Variants in NTM observed in about 807,000 individuals in gnomAD.
The protein encoded by NTM is IgLON family member 2.
A neutral mutation model predicts 42.1 loss-of-function variants in NTM; 13 were observed. The observed-to-expected ratio is 0.31, with a 90% CI of 0.20 to 0.49. The LOEUF is 0.49. Among genes scored for constraint, NTM ranks in the 20% least tolerant of loss-of-function variants. The pLI is 0.99. For missense variants in NTM, 373 were observed against 452.8 expected, an observed-to-expected ratio of 0.82 and a Z score of 1.60; for synonymous variants, 187 against 179.2, an observed-to-expected ratio of 1.04 and a Z score of -0.35.
intron 1 of NTM, among the ~76,000 whole-genome samples, chr11:131,524,572 G>A (rs2050200719): frequency 6.6e-6 from 1 of 152,238 alleles, no homozygotes; most frequent in Admixed American, 6.5e-5. Context: ...AAAGTGACTA[G>A]CCATAGCCGC....
At position 131,563,738 on chromosome 11, in the gene NTM, C is replaced by T. The variant is rs548259328; in HGVS notation, c.82+192850C>T. On this transcript the variant is annotated intron_variant, in intron 1 of 8. Transcript: ENST00000683400. Reference sequence around the variant, plus strand: ...TAATTTACTGTGTCAAATGAACCCCCTTCCCTAAGACAATGGCCTGTGCTT... The same window carrying T: ...TAATTTACTGTGTCAAATGAACCCCTTTCCCTAAGACAATGGCCTGTGCTT... 1.5e-4 allele frequency among the ~76,000 whole-genome samples: 23 copies of T among 152,190 alleles called. No individual in the cohort carries two copies. In the South Asian group the frequency reaches 4.8e-3, roughly 32 times the overall value.
chr11:132,320,418 T>C (rs2095534947), intron 7 of NTM, among the ~76,000 whole-genome samples: 1 of 152,194 alleles, frequency 6.6e-6, no homozygotes, highest in Non-Finnish European at 1.5e-5. Context: ...GGGTGACGGA[T>C]GGCACCTGGA....
At chr11:132,227,382 G>A (rs559309905) in intron 4 of NTM, among the ~76,000 whole-genome samples, 1 of 152,250 alleles carries the variant, frequency 6.6e-6, no homozygotes, top group South Asian at 2.1e-4. Context: ...TAGAAAGAGG[G>A]AGAATGGGTT....
chr11:131,930,137 A>G (rs7120526), intron 2 of NTM, among the ~76,000 whole-genome samples: 9,845 of 152,270 alleles, frequency 0.065, 1,057 homozygotes, highest in African/African-American at 0.22. Context: ...AATATTAATT[A>G]AACATACTTC....
chr11:131,427,181 A>G (rs1357898326), intron 1 of NTM, among the ~76,000 whole-genome samples: 1 of 152,120 alleles, frequency 6.6e-6, no homozygotes, highest in Non-Finnish European at 1.5e-5. Flanking sequence ...ATATCAAGGT[A>G]TCCAATTTGG....
chr11:131,622,032 G>T (rs2062625672), intron 1 of NTM, among the ~76,000 whole-genome samples: 1 of 152,178 alleles, frequency 6.6e-6, no homozygotes, highest in Non-Finnish European at 1.5e-5. Context: ...CCTGAGAAGG[G>T]TCCCGTGGCT....
intron 1 of NTM, among the ~76,000 whole-genome samples, chr11:131,579,854 AT>A (rs1277877567): frequency 2.7e-4 from 41 of 152,324 alleles, no homozygotes; most frequent in African/African-American, 9.4e-4. Flanking sequence ...CCAACATGGC[AT>A]TCTATATTTC....
chr11:131,726,123 A>C (rs1204582620), intron 1 of NTM, among the ~76,000 whole-genome samples: 1 of 152,208 alleles, frequency 6.6e-6, no homozygotes, highest in Non-Finnish European at 1.5e-5. Context: ...AAAAAATTAC[A>C]TGAGAAAAGC....
chr11:131,502,548 C>T (rs1365998836), intron 1 of NTM, among the ~76,000 whole-genome samples: 7 of 152,032 alleles, frequency 4.6e-5, no homozygotes, highest in Admixed American at 2.0e-4. Context: ...GGCAAGTTGA[C>T]GAGGGGTGCA....
chr11:131,518,261 A>G (rs1850475470), intron 1 of NTM, among the ~76,000 whole-genome samples: 1 of 152,158 alleles, frequency 6.6e-6, no homozygotes, highest in Non-Finnish European at 1.5e-5. Flanking sequence ...GACTCGAGTC[A>G]CCCATGCAGT....
At chr11:132,051,614 A>G (rs1239850634) in intron 2 of NTM, among the ~76,000 whole-genome samples, 1 of 152,068 alleles carries the variant, frequency 6.6e-6, no homozygotes, top group African/African-American at 2.4e-5. Flanking sequence ...GCCCCTAATG[A>G]TGGTCAGGCT....
At chr11:132,096,316 T>C (rs544699436) in intron 2 of NTM, among the ~76,000 whole-genome samples, 1 of 152,290 alleles carries the variant, frequency 6.6e-6, no homozygotes, top group South Asian at 2.1e-4. Flanking sequence ...ATTTATTTCC[T>C]AGTGCAACCT....
At position 132,314,630 on chromosome 11, in the gene NTM, A is replaced by G. The variant is rs1268934773; in HGVS notation, c.861A>G (p.Glu287=). ...AACTCATCTTCTTCAATGTCTCTGA[A>G]CATGACTATGGGAACTACACTTGCG... is the stretch of plus-strand genomic sequence containing the variant. The part of the protein sequence containing the change: ...LSKLIFFNVS[E]HDYGNYTCVA... The change falls in exon 7 of 9, where the codon GAA becomes GAG. Residue 287 remains glutamate (E), a synonymous_variant. Transcript: ENST00000683400. 5 of 1,614,048 alleles carry G rather than the reference A, an allele frequency of 3.1e-6. No individual in the cohort carries two copies. The highest frequency in any genetic ancestry group is 4.2e-6 in the Non-Finnish European group (5 of 1,179,958).
intron 1 of NTM, among the ~76,000 whole-genome samples, chr11:131,590,138 G>T (rs540755463): frequency 1.3e-5 from 2 of 152,278 alleles, no homozygotes; most frequent in African/African-American, 4.8e-5. Flanking sequence ...GCTACTGGGA[G>T]GCTCATTCTC....
intron 1 of NTM, among the ~76,000 whole-genome samples, chr11:131,611,415 A>C (rs1469101275): frequency 6.6e-6 from 1 of 152,214 alleles, no homozygotes; most frequent in Non-Finnish European, 1.5e-5. Flanking sequence ...CACACGCTAC[A>C]CGCTGCATAT....
At chr11:131,646,888 G>A (rs1407417655) in intron 1 of NTM, among the ~76,000 whole-genome samples, 5 of 152,150 alleles carry the variant, frequency 3.3e-5, no homozygotes, top group South Asian at 4.1e-4. Context: ...ATACAAGGAC[G>A]TGCTCACTAT....
chr11:131,816,411 G>T (rs1334745814), intron 1 of NTM, among the ~76,000 whole-genome samples: 1 of 152,106 alleles, frequency 6.6e-6, no homozygotes, highest in Non-Finnish European at 1.5e-5. Context: ...GAGGGGAAAT[G>T]ATATTTTTAC....
intron 1 of NTM, among the ~76,000 whole-genome samples, chr11:131,390,678 G>T (rs1943888895): frequency 6.6e-6 from 1 of 152,124 alleles, no homozygotes; most frequent in Non-Finnish European, 1.5e-5. Flanking sequence ...GCATTTCAGG[G>T]AGACACTTCA....
At chr11:131,993,831 A>G (rs1311484288) in intron 2 of NTM, among the ~76,000 whole-genome samples, 5 of 151,838 alleles carry the variant, frequency 3.3e-5, no homozygotes, top group Non-Finnish European at 5.9e-5. Flanking sequence ...TAGAAACCCC[A>G]TCTCTACTAA....
Sources: gnomAD v4.1 joint callset for allele counts (sites outside exome capture counted in the v4.1 genomes callset) on GRCh38, gnomAD v4.1.1 for gene constraint, MANE v1.5 for transcripts, NCBI Gene and HGNC (gene_info 2026-07-23, HGNC 2026-07-21) for gene names.